Variants in THSD7B observed in about 807,000 individuals in gnomAD.
The protein encoded by THSD7B is thrombospondin type-1 domain-containing protein 7B.
A neutral mutation model predicts 213.6 loss-of-function variants in THSD7B; 138 were observed. The ratio of observed to expected loss-of-function variants is 0.65; its 90% CI spans 0.56 to 0.74. The LOEUF is 0.74. Among genes scored for constraint, THSD7B ranks in the 30% least tolerant of loss-of-function variants. The pLI is 0.00. For synonymous variants in THSD7B, 742 were observed against 687.0 expected (o/e 1.08, Z -1.25); for missense variants, 1,931 against 1,991.5 (o/e 0.97, Z 0.58).
chr2:137,168,829 T>C (rs1680183147), intron 6 of THSD7B, among the ~76,000 whole-genome samples: 1 of 152,116 alleles, frequency 6.6e-6, no homozygotes, highest in African/African-American at 2.4e-5. Context: ...ATAGAGGTCA[T>C]TCGAGTTTTG....
intron 1 of THSD7B, among the ~76,000 whole-genome samples, chr2:136,820,803 A>T: frequency 6.6e-6 from 1 of 152,242 alleles, no homozygotes; most frequent in East Asian, 1.9e-4. Context: ...ATTTGAAAGT[A>T]AAACATTATG....
At position 137,436,872 on chromosome 2, in the gene THSD7B, T is replaced by C. The variant is rs1011568743; in HGVS notation, c.2960-13973T>C. On this transcript the variant is annotated intron_variant, in intron 14 of 27. Coordinates refer to ENST00000409968, the MANE Select transcript of THSD7B (RefSeq NM_001316349.2). ...TATCTCCACATTTAGAATTGTACTG[T>C]TGACAAGCCCCCAGATTTTGAGTCT... Among the ~76,000 whole-genome samples, 6 of 152,184 alleles carry C rather than the reference T, an allele frequency of 3.9e-5. No homozygotes were observed. In the East Asian group the frequency reaches 1.2e-3, roughly 29 times the overall value.
chr2:137,401,091 A>G (rs1049200275), intron 12 of THSD7B, among the ~76,000 whole-genome samples: 3 of 152,172 alleles, frequency 2.0e-5, no homozygotes, highest in African/African-American at 4.8e-5. Flanking sequence ...TTATCTGTAG[A>G]TTTCTACTTC....
intron 12 of THSD7B, among the ~76,000 whole-genome samples, chr2:137,351,924 T>A (rs1481799754): frequency 6.6e-6 from 1 of 151,946 alleles, no homozygotes; most frequent in African/African-American, 2.4e-5. Context: ...CTAGCAAAAA[T>A]TCATAGATTT....
chr2:137,289,419 A>T (rs548409816), intron 12 of THSD7B, among the ~76,000 whole-genome samples: 2 of 152,128 alleles, frequency 1.3e-5, no homozygotes, highest in South Asian at 4.2e-4. Context: ...TTGCCTGTAG[A>T]CTGTTTATCA....
At chr2:137,563,405 A>AT (rs1161215451) in intron 16 of THSD7B, 51 bp downstream of exon 16, 2 of 1,599,124 alleles carry the variant, frequency 1.3e-6, no homozygotes, top group South Asian at 1.1e-5. Flanking sequence ...GAACTTATAC[A>AT]TTTTTTATAA....
chr2:137,200,983 A>G (rs1680865537), intron 7 of THSD7B, among the ~76,000 whole-genome samples: 1 of 152,128 alleles, frequency 6.6e-6, no homozygotes, highest in African/African-American at 2.4e-5. Context: ...CTGTATTTTG[A>G]TTTGTAACAT....
At chr2:137,481,219 C>T (rs952162353) in intron 15 of THSD7B, among the ~76,000 whole-genome samples, 1 of 152,178 alleles carries the variant, frequency 6.6e-6, no homozygotes, top group Admixed American at 6.5e-5. Context: ...ATAGTACAAA[C>T]ATACTAAGAC....
intron 15 of THSD7B, among the ~76,000 whole-genome samples, chr2:137,467,704 G>GTC (rs1366732373): frequency 6.6e-6 from 1 of 152,176 alleles, no homozygotes; most frequent in Non-Finnish European, 1.5e-5. Context: ...ATATCAGAAA[G>GTC]TCTCATCTGC....
chr2:136,806,456 TA>T (rs1292933718), intron 1 of THSD7B, among the ~76,000 whole-genome samples: 1 of 152,236 alleles, frequency 6.6e-6, no homozygotes, highest in East Asian at 1.9e-4. Context: ...TGTGTACATT[TA>T]GGATACTTAA....
intron 12 of THSD7B, among the ~76,000 whole-genome samples, chr2:137,364,243 C>A (rs541490838): frequency 6.6e-6 from 1 of 152,158 alleles, no homozygotes; most frequent in African/African-American, 2.4e-5. Context: ...TGGGACATAT[C>A]TCAAAATAAT....
At chr2:137,169,286 G>GTTT (rs70978205) in intron 6 of THSD7B, among the ~76,000 whole-genome samples, 6 of 140,528 alleles carry the variant, frequency 4.3e-5, no homozygotes, top group African/African-American at 7.9e-5. Flanking sequence ...TTTATTTGAG[G>GTTT]TTTTTTTTTT....
chr2:137,569,102 G>A (rs1388371470), intron 16 of THSD7B, among the ~76,000 whole-genome samples: 3 of 152,186 alleles, frequency 2.0e-5, no homozygotes, highest in Non-Finnish European at 4.4e-5. Context: ...ACAGAAGCCA[G>A]GCACCAAGAA....
chr2:137,181,366 C>T (rs924716533), intron 7 of THSD7B, among the ~76,000 whole-genome samples: 2 of 152,138 alleles, frequency 1.3e-5, no homozygotes, highest in African/African-American at 2.4e-5. Flanking sequence ...AAATTCGATA[C>T]ACCAAAGTGG....
chr2:137,228,321 C>T (rs1681558548), intron 7 of THSD7B, among the ~76,000 whole-genome samples: 1 of 151,972 alleles, frequency 6.6e-6, no homozygotes, highest in African/African-American at 2.4e-5. Flanking sequence ...CATTAAAGTT[C>T]ACTGAGGAAA....
intron 2 of THSD7B, among the ~76,000 whole-genome samples, chr2:136,943,965 T>C (rs992525090): frequency 6.6e-6 from 1 of 152,226 alleles, no homozygotes; most frequent in African/African-American, 2.4e-5. Context: ...TTCTTTTAAT[T>C]GTGATGTTAG....
At chr2:136,959,787 C>T (rs959995521) in intron 2 of THSD7B, among the ~76,000 whole-genome samples, 3 of 152,076 alleles carry the variant, frequency 2.0e-5, no homozygotes, top group Non-Finnish European at 4.4e-5. Context: ...TGTTTCTCTG[C>T]TTATTTGGTT....
At chr2:136,907,366 A>G (rs1684183158) in intron 2 of THSD7B, among the ~76,000 whole-genome samples, 1 of 152,188 alleles carries the variant, frequency 6.6e-6, no homozygotes, top group South Asian at 2.1e-4. Flanking sequence ...TTAAGTAGTC[A>G]CCAATATTTA....
chr2:136,955,087 G>A (rs936144882), intron 2 of THSD7B, among the ~76,000 whole-genome samples: 7 of 152,152 alleles, frequency 4.6e-5, no homozygotes, highest in South Asian at 2.1e-4. Context: ...GGAGGGTTAG[G>A]AAAAGACCAG....
Sources: allele counts gnomAD v4.1 joint callset (sites outside exome capture counted in the v4.1 genomes callset), GRCh38; gene constraint gnomAD v4.1.1; transcripts MANE v1.5; gene names NCBI Gene and HGNC (gene_info 2026-07-23, HGNC 2026-07-21).